The following DPH3 variants were observed in gnomAD, a reference collection of about 807,000 sequenced individuals.
The protein encoded by DPH3 is diphthamide biosynthesis protein 3.
DPH3 carries 8 observed loss-of-function variants against 10.2 expected under a neutral mutation model. The observed-to-expected ratio is 0.79, with a 90% CI of 0.46 to 1.42. DPH3 has a LOEUF of 1.42. DPH3 is among the 40% of genes most tolerant of loss of function. DPH3 has a pLI of 0.00. For missense variants in DPH3, 96 were observed against 98.9 expected (o/e 0.97, Z 0.12); for synonymous variants, 35 against 35.6 (o/e 0.98, Z 0.06).
At chr3:16,264,595 C>T in intron 1 of DPH3, 174 bp downstream of exon 1, 1 of 663,026 alleles carries the variant, frequency 1.5e-6, no homozygotes, top group Non-Finnish European at 2.6e-6. Flanking sequence ...GCGTGCCTAC[C>T]GAGAGAGCTC....
rs566390906 is a variant in DPH3 at position 16,262,027 on chromosome 3, T to C, written c.184-1198A>G. ...ACCTAGTTCAAACTCCATGGTCAGT[T>C]ATAACCACTCTTCTCTCACTCCTTA... On this transcript the variant is annotated intron_variant, in intron 2 of 2. Coordinates refer to ENST00000488423, the MANE Select transcript of DPH3 (RefSeq NM_206831.3). The surrounding 1 kb of genome is among the most constrained non-coding windows in gnomAD (Gnocchi z 4.7). 2.0e-5 allele frequency among the ~76,000 whole-genome samples: 3 copies of C among 152,312 alleles called. No individual in the cohort carries two copies. In the South Asian group the frequency reaches 6.2e-4, roughly 32 times the overall value.
intron 2 of DPH3, 65 bp downstream of exon 2, chr3:16,264,090 G>C: frequency 1.7e-6 from 2 of 1,178,396 alleles, no homozygotes; most frequent in South Asian, 3.0e-5. Flanking sequence ...TCACTGACAA[G>C]CTGATCTAAG....
At chr3:16,264,347 G>A in intron 1 of DPH3, 118 bp from the exon 2 acceptor site, 1 of 705,196 alleles carries the variant, frequency 1.4e-6, no homozygotes, top group Non-Finnish European at 2.3e-6. Flanking sequence ...CCCAAGGTGG[G>A]TGAGAACCCC....
chr3:16,260,758 G>T lies in DPH3; in HGVS notation c.*6C>A, dbSNP rs778354921. 9 of 1,612,324 alleles carry T rather than the reference G, an allele frequency of 5.6e-6. No homozygotes were observed. The highest frequency in any genetic ancestry group is 7.6e-6 in the Non-Finnish European group (9 of 1,178,774). ...ATGTTCAGGATTTGGATTCCTGAAG[G>T]CTTCTTCAGCATTTAACTAATTCTT... On this transcript the variant is annotated 3_prime_UTR_variant, in exon 3 of 3. Transcript: ENST00000488423.
In DPH3 at chr3:16,258,246, C is replaced by T. The variant is rs1412525802; in HGVS notation, c.*2518G>A. On this transcript the variant is annotated 3_prime_UTR_variant, in exon 3 of 3. Coordinates refer to ENST00000488423, the MANE Select transcript of DPH3 (RefSeq NM_206831.3). Reference sequence around the variant, plus strand: ...AAAGGTTTTAATTGCAATTTCAGTTCCTACAAGCTACCAAGCCTGAAATTA... The same window carrying T: ...AAAGGTTTTAATTGCAATTTCAGTTTCTACAAGCTACCAAGCCTGAAATTA... The T allele has an allele frequency of 6.6e-6, 1 of 152,152 alleles. No individual in the cohort carries two copies. The highest frequency in any genetic ancestry group is 1.9e-4 in the East Asian group (1 of 5,198). 9.4% of individuals were successfully genotyped at this position (152,152 alleles called of 1,614,324 possible).
chr3:16,260,123 C>T lies in DPH3; in HGVS notation c.*641G>A, dbSNP rs2064283072. On this transcript the variant is annotated 3_prime_UTR_variant, in exon 3 of 3. Coordinates refer to ENST00000488423, the MANE Select transcript of DPH3 (RefSeq NM_206831.3). ...TTCATTTTGGACTTTCTTTCTTGTT[C>T]ACTAACTTTTAGCTCTGGAGACATT... 6.6e-6 allele frequency: 1 copy of T among 152,164 alleles called. No homozygotes were observed. Among genetic ancestry groups the T allele is most frequent in the Admixed American group, 6.5e-5 (1 of 15,274 alleles). 9.4% of individuals were successfully genotyped at this position (152,164 alleles called of 1,614,324 possible).
chr3:16,259,446 A>G lies in DPH3; in HGVS notation c.*1318T>C, dbSNP rs2064277516. Reference sequence around the variant, plus strand: ...GTAACAGAACATTTACATTCTAGCAAGCTATTTTTCTAATTGCAGAAGCCA... The same window carrying G: ...GTAACAGAACATTTACATTCTAGCAGGCTATTTTTCTAATTGCAGAAGCCA... On this transcript the variant is annotated 3_prime_UTR_variant, in exon 3 of 3. Coordinates refer to ENST00000488423, the MANE Select transcript of DPH3 (RefSeq NM_206831.3). The G allele has an allele frequency of 6.6e-6, 1 of 152,240 alleles. No homozygotes were observed. Among genetic ancestry groups the G allele is most frequent in the African/African-American group, 2.4e-5 (1 of 41,466 alleles). The allele number at this position is 152,240 out of a possible 1,614,324, so 9.4% of individuals were successfully genotyped here.
At position 16,263,086 on chromosome 3, in the gene DPH3, T is replaced by C. The variant is rs1309577864; in HGVS notation, c.183+1069A>G. On this transcript the variant is annotated intron_variant, in intron 2 of 2. Coordinates refer to ENST00000488423, the MANE Select transcript of DPH3 (RefSeq NM_206831.3). The surrounding 1 kb of genome is among the most constrained non-coding windows in gnomAD (Gnocchi z 4.0). Reference sequence around the variant, plus strand: ...CTTAAGTTGGATCATAGCACTCCTATGTTCAAAAATCCCCCAATGGTTCCC... The same window carrying C: ...CTTAAGTTGGATCATAGCACTCCTACGTTCAAAAATCCCCCAATGGTTCCC... Among the ~76,000 whole-genome samples, 2 of 152,176 alleles carry C rather than the reference T, an allele frequency of 1.3e-5. No individual in the cohort carries two copies. Among genetic ancestry groups the C allele is most frequent in the South Asian group, 2.1e-4 (1 of 4,824 alleles).
chr3:16,264,498 C>T, intron 1 of DPH3: 1 of 560,522 alleles, frequency 1.8e-6, no homozygotes, highest in Non-Finnish European at 3.2e-6. Context: ...ACAGAAATAT[C>T]CCAGGTTGGG....
Position 16,257,865 on chromosome 3 carries a change from C to G in DPH3, c.*2899G>C, listed in dbSNP as rs1323613845. On this transcript the variant is annotated 3_prime_UTR_variant, in exon 3 of 3. Coordinates refer to ENST00000488423, the MANE Select transcript of DPH3 (RefSeq NM_206831.3). Reference sequence around the variant, plus strand: ...CTTATTTAAAAACTACTGTCCATAACAAAAAGTCTATTAACAATACCCCAA... The same window carrying G: ...CTTATTTAAAAACTACTGTCCATAAGAAAAAGTCTATTAACAATACCCCAA... 6.6e-6 allele frequency: 1 copy of G among 152,144 alleles called. No individual in the cohort carries two copies. The highest frequency in any genetic ancestry group is 1.5e-5 in the Non-Finnish European group (1 of 68,024). The allele number at this position is 152,144 out of a possible 1,614,324, so 9.4% of individuals were successfully genotyped here.
Position 16,260,887 on chromosome 3 carries a change from T to C in DPH3, c.184-58A>G, listed in dbSNP as rs370228651. 645 of 1,457,758 alleles carry C rather than the reference T, an allele frequency of 4.4e-4. 1 individual carries two copies. The highest frequency in any genetic ancestry group is 5.8e-4 in the Non-Finnish European group (604 of 1,044,708). 90.3% of individuals were successfully genotyped at this position (1,457,758 alleles called of 1,614,324 possible). ...GAATTTCCGGTCACAAATACATTAA[T>C]ATTAAACCTTCATTTTGTTACAGCA... On this transcript the variant is annotated intron_variant, in intron 2 of 2. Coordinates refer to ENST00000488423, the MANE Select transcript of DPH3 (RefSeq NM_206831.3).
chr3:16,258,085 T>C lies in DPH3; in HGVS notation c.*2679A>G. On this transcript the variant is annotated 3_prime_UTR_variant, in exon 3 of 3. Transcript: ENST00000488423. ...TTGGGTACTTTTTCCAAGAAAAATGTTTCTGAATGTGCACACTAGAATATA... is the reference window on the plus strand; with the variant it reads ...TTGGGTACTTTTTCCAAGAAAAATGCTTCTGAATGTGCACACTAGAATATA... The C allele has an allele frequency of 6.6e-6, 1 of 152,256 alleles. No individual in the cohort carries two copies. Among genetic ancestry groups the C allele is most frequent in the East Asian group, 1.9e-4 (1 of 5,208 alleles). The allele number at this position is 152,256 out of a possible 1,614,324, so 9.4% of individuals were successfully genotyped here. A position where few individuals can be genotyped will look rare whatever the true frequency, so the allele number is the denominator to read the frequency against.
intron 2 of DPH3, 85 bp downstream of exon 2, chr3:16,264,070 C>T: frequency 1.1e-6 from 1 of 925,048 alleles, no homozygotes; most frequent in Non-Finnish European, 1.6e-6. Flanking sequence ...GAAACATTCT[C>T]CTGCACTCAT....
In DPH3 at chr3:16,262,573, C is replaced by T. The variant is rs2064299183; in HGVS notation, c.183+1582G>A. On this transcript the variant is annotated intron_variant, in intron 2 of 2. Coordinates refer to ENST00000488423, the MANE Select transcript of DPH3 (RefSeq NM_206831.3). The surrounding 1 kb of genome is among the most constrained non-coding windows in gnomAD (Gnocchi z 4.7). ...TTAAGGCTCAGTCCTGTATTTTATC[C>T]ATCTCTACATTCACAGACCTGGTGG... 6.6e-6 allele frequency among the ~76,000 whole-genome samples: 1 copy of T among 152,050 alleles called. No homozygotes were observed.
Position 16,258,102 on chromosome 3 carries a change from T to C in DPH3, c.*2662A>G, listed in dbSNP as rs1170091585. 3 of 152,258 alleles carry C rather than the reference T, an allele frequency of 2.0e-5. No individual in the cohort carries two copies. The highest frequency in any genetic ancestry group is 6.5e-5 in the Admixed American group (1 of 15,292). 9.4% of individuals were successfully genotyped at this position (152,258 alleles called of 1,614,324 possible). On this transcript the variant is annotated 3_prime_UTR_variant, in exon 3 of 3. Transcript: ENST00000488423. ...GAAAAATGTTTCTGAATGTGCACAC[T>C]AGAATATATGCAGAATCCTTTAAAC...
chr3:16,264,888 G>T lies in DPH3; in HGVS notation c.-12C>A, dbSNP rs371722277. On this transcript the variant is annotated 5_prime_UTR_variant, in exon 1 of 3. Transcript: ENST00000488423. Reference sequence around the variant, plus strand: ...TGAAACACTGCCATGGTCAGCGGGGGTGGCCGAAGGGGTAACGCCCCAGCA... The same window carrying T: ...TGAAACACTGCCATGGTCAGCGGGGTTGGCCGAAGGGGTAACGCCCCAGCA... 8 of 1,613,992 alleles carry T rather than the reference G, an allele frequency of 5.0e-6. No individual in the cohort carries two copies. Among genetic ancestry groups the T allele is most frequent in the Non-Finnish European group, 6.8e-6 (8 of 1,179,862 alleles).
rs979843498 is a variant in DPH3, at chr3:16,258,245, TCC to T, written c.*2517_*2518del. The T allele has an allele frequency of 6.6e-6, 1 of 152,212 alleles. No individual in the cohort carries two copies. Among genetic ancestry groups the T allele is most frequent in the Non-Finnish European group, 1.5e-5 (1 of 68,042 alleles). The allele number at this position is 152,212 out of a possible 1,614,324, so 9.4% of individuals were successfully genotyped here. A position where few individuals can be genotyped will look rare whatever the true frequency, so the allele number is the denominator to read the frequency against. On this transcript the variant is annotated 3_prime_UTR_variant, in exon 3 of 3. Coordinates refer to ENST00000488423, the MANE Select transcript of DPH3 (RefSeq NM_206831.3). ...TAAAGGTTTTAATTGCAATTTCAGT[TCC>T]TACAAGCTACCAAGCCTGAAATTAG...
intron 2 of DPH3, 132 bp downstream of exon 2, chr3:16,264,023 C>G: frequency 2.2e-6 from 1 of 464,872 alleles, no homozygotes; most frequent in African/African-American, 2.0e-5. Flanking sequence ...GTGTTTAAAA[C>G]CTGCCTAAAA....
Position 16,257,944 on chromosome 3 carries a change from T to A in DPH3, c.*2820A>T, listed in dbSNP as rs1382259198. 1 of 152,222 alleles carries A rather than the reference T, an allele frequency of 6.6e-6. No individual in the cohort carries two copies. Among genetic ancestry groups the A allele is most frequent in the Non-Finnish European group, 1.5e-5 (1 of 68,044 alleles). 9.4% of individuals were successfully genotyped at this position (152,222 alleles called of 1,614,324 possible). A position where few individuals can be genotyped will look rare whatever the true frequency, so the allele number is the denominator to read the frequency against. On this transcript the variant is annotated 3_prime_UTR_variant, in exon 3 of 3. Transcript: ENST00000488423. ...ATCATAAACATTTTAATTCAAAATG[T>A]TGACATTTAGAAGAAAAACTACATA...
Sources: gnomAD v4.1 joint callset for allele counts (sites outside exome capture counted in the v4.1 genomes callset) on GRCh38, gnomAD v4.1.1 for gene constraint, Gnocchi (gnomAD v3.1) non-coding constraint, MANE v1.5 for transcripts, NCBI Gene and HGNC (gene_info 2026-07-23, HGNC 2026-07-21) for gene names.